Variants in FAM83A observed in about 807,000 individuals in gnomAD.
FAM83A encodes the protein scaffolding CK1 anchoring protein A.
FAM83A carries 21 observed loss-of-function variants against 24.4 expected under a neutral mutation model. The observed-to-expected ratio is 0.86, with a 90% CI of 0.61 to 1.24. The LOEUF (loss-of-function observed/expected upper bound fraction) is 1.24, where lower values mean the gene tolerates loss of function less well. Ranked by LOEUF, FAM83A falls within the 50% of genes most tolerant of loss-of-function variation. The pLI, the probability that FAM83A is intolerant of heterozygous loss-of-function variation, is 0.00. For missense variants in FAM83A, 617 were observed against 579.8 expected (o/e 1.06, Z -0.66); for synonymous variants, 270 against 252.4 (o/e 1.07, Z -0.66).
At chr8:123,204,750 G>A (rs1824484384) in intron 3 of FAM83A, among the ~76,000 whole-genome samples, 1 of 151,592 alleles carries the variant, frequency 6.6e-6, no homozygotes, top group African/African-American at 2.4e-5. Flanking sequence ...GACAGAGCCA[G>A]ACTCTGTCTC....
chr8:123,179,977 G>A (rs947886585), upstream of FAM83A: 1 of 152,214 alleles, frequency 6.6e-6, no homozygotes, highest in Admixed American at 6.5e-5. Context: ...GAAAGGGAAG[G>A]GGAATGGGAA....
At chr8:123,191,735 G>T in intron 1 of FAM83A, 68 bp from the exon 2 acceptor site, 1 of 1,560,988 alleles carries the variant, frequency 6.4e-7, no homozygotes, top group Non-Finnish European at 8.7e-7. Context: ...GACTCAGGCA[G>T]TTTGGGTGAA....
chr8:123,206,267 C>T (rs1245184247), intron 3 of FAM83A, among the ~76,000 whole-genome samples: 1 of 152,162 alleles, frequency 6.6e-6, no homozygotes, highest in African/African-American at 2.4e-5. Flanking sequence ...CCCCTCGCCC[C>T]GACAGCCTCG....
intron 1 of FAM83A, among the ~76,000 whole-genome samples, chr8:123,186,612 C>G (rs1240983326): frequency 6.6e-6 from 1 of 152,098 alleles, no homozygotes; most frequent in Non-Finnish European, 1.5e-5. Context: ...GGTGGATCTC[C>G]TGAGGTCAGG....
In FAM83A at chr8:123,209,588, A is replaced by G; in HGVS notation, c.*1900A>G. ...TGAACATTCCAAATTGGATTTCACCATCTGCTGAGAAAGTTTAAGGAAGGC... is the reference window on the plus strand; with the variant it reads ...TGAACATTCCAAATTGGATTTCACCGTCTGCTGAGAAAGTTTAAGGAAGGC... On this transcript the variant is annotated 3_prime_UTR_variant, in exon 4 of 4. Transcript: ENST00000690554. The surrounding 1 kb of genome is among the most constrained non-coding windows in gnomAD (Gnocchi z 4.7). 6.2e-7 allele frequency: 1 copy of G among 1,606,812 alleles called. No individual in the cohort carries two copies.
At chr8:123,195,104 C>T (rs1052977757) in intron 3 of FAM83A, among the ~76,000 whole-genome samples, 2 of 152,140 alleles carry the variant, frequency 1.3e-5, no homozygotes, top group African/African-American at 4.8e-5. Flanking sequence ...AAGGGAGGAA[C>T]AGCCGAAGGT....
intron 2 of FAM83A, 97 bp downstream of exon 2, chr8:123,192,067 C>G (rs1383021375): frequency 7.4e-7 from 1 of 1,355,582 alleles, no homozygotes; most frequent in Non-Finnish European, 1.0e-6. Flanking sequence ...GTGTTAATAG[C>G]TTAACACAAT....
At chr8:123,207,338 C>T in exon 4 of FAM83A, 1 of 1,611,752 alleles carries the variant, frequency 6.2e-7, no homozygotes, top group African/African-American at 1.3e-5. Context: ...CAATGGCCGC[C>T]TTAGCAGCAG....
intron 3 of FAM83A, among the ~76,000 whole-genome samples, chr8:123,206,919 C>T (rs1052591221): frequency 2.0e-5 from 3 of 150,010 alleles, no homozygotes; most frequent in Admixed American, 6.6e-5. Flanking sequence ...TGTCCTCCTC[C>T]TCCTCCTCTT....
intron 3 of FAM83A, among the ~76,000 whole-genome samples, chr8:123,197,829 T>C (rs1824211981): frequency 6.6e-6 from 1 of 152,146 alleles, no homozygotes; most frequent in Non-Finnish European, 1.5e-5. Context: ...AAGCACATGA[T>C]ACACTTTAAA....
Position 123,194,195 on chromosome 8 carries a change from G to T in FAM83A, c.773+47G>T, listed in dbSNP as rs1824069731. ...TGTCAAGGATTCATGGAGAACAAGG[G>T]CTGAGTGAGGTGCAGACCAGCTCCC... is the stretch of plus-strand genomic sequence containing the variant. On this transcript the variant is annotated intron_variant, in intron 3 of 3. Transcript: ENST00000690554. 2.5e-6 allele frequency: 4 copies of T among 1,609,252 alleles called. No individual in the cohort carries two copies. In the South Asian group the frequency reaches 3.3e-5, roughly 13 times the overall value.
chr8:123,193,798 G>A (rs900709470), intron 2 of FAM83A, among the ~76,000 whole-genome samples: 6 of 152,332 alleles, frequency 3.9e-5, no homozygotes, highest in African/African-American at 1.2e-4. Context: ...CAGAAGGAGT[G>A]AGGCAGATCT....
chr8:123,185,825 C>CGACA (rs1475685949), intron 1 of FAM83A, among the ~76,000 whole-genome samples: 3 of 152,246 alleles, frequency 2.0e-5, no homozygotes, highest in African/African-American at 7.2e-5. Context: ...GAGTCTCACT[C>CGACA]TGTCGCCCAG....
At chr8:123,190,737 G>C (rs759042669) in intron 1 of FAM83A, among the ~76,000 whole-genome samples, 24 of 152,136 alleles carry the variant, frequency 1.6e-4, no homozygotes, top group Non-Finnish European at 3.2e-4. Context: ...ACTGGTCTCA[G>C]GCATGGCTGG....
exon 4 of FAM83A, chr8:123,207,681 A>G: frequency 6.7e-7 from 1 of 1,494,714 alleles, no homozygotes; most frequent in Non-Finnish European, 8.9e-7. Flanking sequence ...GCCTCCCCTC[A>G]CTTCTGAAGG....
intron 3 of FAM83A, among the ~76,000 whole-genome samples, chr8:123,198,782 CCT>C (rs1824246966): frequency 2.6e-5 from 4 of 152,074 alleles, no homozygotes; most frequent in African/African-American, 9.7e-5. Context: ...CGCTCTTTTG[CCT>C]AGCGTGGTGG....
chr8:123,183,201 G>A (rs749264037), exon 1 of FAM83A: 69 of 1,613,446 alleles, frequency 4.3e-5, no homozygotes, highest in Admixed American at 2.5e-4. Flanking sequence ...GCAGCGAGCC[G>A]GCCCTACTGC....
At chr8:123,182,170 A>G (rs1234707150), upstream of FAM83A, 1 of 454,726 alleles carries the variant, frequency 2.2e-6, no homozygotes, top group Non-Finnish European at 4.4e-6. Flanking sequence ...CACGACAATG[A>G]CAAACACTTG....
At chr8:123,190,424 C>T (rs1586778443) in intron 1 of FAM83A, among the ~76,000 whole-genome samples, 1 of 150,510 alleles carries the variant, frequency 6.6e-6, no homozygotes, top group East Asian at 2.0e-4. Context: ...ACCAGTCCAG[C>T]TAATTTTTTT....
Sources: allele counts gnomAD v4.1 joint callset (sites outside exome capture counted in the v4.1 genomes callset), GRCh38; gene constraint gnomAD v4.1.1; non-coding constraint Gnocchi (gnomAD v3.1); transcripts MANE v1.5; gene names NCBI Gene and HGNC (gene_info 2026-07-23, HGNC 2026-07-21).